Variants in NEMF observed in about 807,000 individuals in gnomAD.
The protein encoded by NEMF is nuclear export mediator factor.
NEMF carries 89 observed loss-of-function variants against 162.2 expected under a neutral mutation model. The ratio of observed to expected loss-of-function variants is 0.55; its 90% confidence interval spans 0.46 to 0.65. The LOEUF is 0.65. Among genes scored for constraint, NEMF ranks in the 30% least tolerant of loss-of-function variants. NEMF has a pLI of 0.00. For synonymous variants in NEMF, 421 were observed against 404.5 expected, an observed-to-expected ratio of 1.04 and a Z score of -0.49; for missense variants, 1,133 against 1,261.9, an observed-to-expected ratio of 0.90 and a Z score of 1.55.
At chr14:49,835,194 C>G (rs983178342) in intron 6 of NEMF, among the ~76,000 whole-genome samples, 31 of 146,378 alleles carry the variant, frequency 2.1e-4, no homozygotes, top group African/African-American at 6.6e-4. Flanking sequence ...GAGTGAAACT[C>G]CGTCCCCCGC....
In NEMF at chr14:49,828,185, A is replaced by G. The variant is rs191377352; in HGVS notation, c.1488+106T>C. ...TATTTAAAGCAAAGTTAAGTTTGAAAGATACTTCTGAATTAGAAAACCTCA... is the reference window on the plus strand; with the variant it reads ...TATTTAAAGCAAAGTTAAGTTTGAAGGATACTTCTGAATTAGAAAACCTCA... On this transcript the variant is annotated intron_variant, in intron 15 of 32. Transcript: ENST00000298310. 2,133 of 844,448 alleles carry G rather than the reference A, an allele frequency of 2.5e-3. 6 individuals carry two copies. Among genetic ancestry groups the G allele is most frequent in the Non-Finnish European group, 3.2e-3 (1,618 of 500,156 alleles). The allele number at this position is 844,448 out of a possible 1,614,324, so 52.3% of individuals were successfully genotyped here. A position where few individuals can be genotyped will look rare whatever the true frequency, so the allele number is the denominator to read the frequency against.
At chr14:49,799,117 G>A (rs1890827755) in intron 25 of NEMF, among the ~76,000 whole-genome samples, 1 of 144,810 alleles carries the variant, frequency 6.9e-6, no homozygotes. Context: ...GCTGAAGCAG[G>A]AGACTGCCTG....
At position 49,840,870 on chromosome 14, in the gene NEMF, C is replaced by T. The variant is rs757297285; in HGVS notation, c.358-4G>A. 6.9e-6 allele frequency: 11 copies of T among 1,605,198 alleles called. No homozygotes were observed. The highest frequency in any genetic ancestry group is 9.3e-6 in the Non-Finnish European group (11 of 1,177,096). The stretch of plus-strand genomic sequence containing the variant: ...AATCTGTAAGAACAATGTTCCCCTG[C>T]AATAAAATAAAATACAATTTAGCGC... On this transcript the variant is annotated splice_region_variant and splice_polypyrimidine_tract_variant and intron_variant, in intron 4 of 32. Coordinates refer to ENST00000298310, the MANE Select transcript of NEMF (RefSeq NM_004713.6).
At chr14:49,804,803 G>A (rs1374984338) in intron 19 of NEMF, among the ~76,000 whole-genome samples, 2 of 152,090 alleles carry the variant, frequency 1.3e-5, no homozygotes, top group East Asian at 3.9e-4. Context: ...GGCGGAAGCA[G>A]GAGGATCACT....
In NEMF at chr14:49,851,802, C is replaced by A; in HGVS notation, c.128+5G>T. 1 of 1,534,796 alleles carries A rather than the reference C, an allele frequency of 6.5e-7. No individual in the cohort carries two copies. The highest frequency in any genetic ancestry group is 1.2e-5 in the South Asian group (1 of 86,106). On this transcript the variant is annotated splice_donor_5th_base_variant and intron_variant, in intron 2 of 32. Transcript: ENST00000298310. Reference sequence around the variant, plus strand: ...AGAGAAAATAAGCCTATAAAATGTTCTTACTTTTGAAGACGAATAAGGTAT... The same window carrying A: ...AGAGAAAATAAGCCTATAAAATGTTATTACTTTTGAAGACGAATAAGGTAT...
chr14:49,782,514 A>C lies in NEMF; in HGVS notation c.*2122T>G, dbSNP rs1447222789. 2 of 1,600,482 alleles carry C rather than the reference A, an allele frequency of 1.2e-6. No homozygotes were observed. The highest frequency in any genetic ancestry group is 1.7e-6 in the Non-Finnish European group (2 of 1,170,660). ...ACTTACTTGCAAAGCATTTGCTTTT[A>C]AATGTGTTCTTCCTATTTATTTTTC... On this transcript the variant is annotated 3_prime_UTR_variant, in exon 33 of 33. Coordinates refer to ENST00000298310, the MANE Select transcript of NEMF (RefSeq NM_004713.6).
intron 10 of NEMF, 103 bp from the exon 11 acceptor site, chr14:49,831,464 G>A: frequency 1.4e-6 from 1 of 727,788 alleles, no homozygotes; most frequent in Admixed American, 2.2e-5. Context: ...TTGAGACAGA[G>A]TCTCACTCTG....
At chr14:49,852,023 G>A (rs553050856) in intron 1 of NEMF, 148 bp from the exon 2 acceptor site, 2 of 569,974 alleles carry the variant, frequency 3.5e-6, no homozygotes, top group East Asian at 2.9e-5. Context: ...GCCATTTGGA[G>A]ATTCAGTTCA....
chr14:49,843,728 T>C (rs1893329552), intron 4 of NEMF, among the ~76,000 whole-genome samples: 1 of 152,220 alleles, frequency 6.6e-6, no homozygotes, highest in African/African-American at 2.4e-5. Context: ...TGTAGTCAAC[T>C]GTAATACAAT....
intron 16 of NEMF, among the ~76,000 whole-genome samples, chr14:49,822,076 C>G (rs1279465298): frequency 6.6e-6 from 1 of 151,876 alleles, no homozygotes; most frequent in Non-Finnish European, 1.5e-5. Flanking sequence ...AAGGGCGGTG[C>G]AAGATGTGCT....
intron 16 of NEMF, among the ~76,000 whole-genome samples, chr14:49,822,287 A>T (rs185237823): frequency 5.8e-4 from 82 of 142,162 alleles, no homozygotes; most frequent in East Asian, 1.2e-3. Flanking sequence ...AATGATCAAT[A>T]AAAAAAAATA....
In NEMF at chr14:49,840,789, A is replaced by G. The variant is rs757719166; in HGVS notation, c.435T>C (p.Val145=). The change falls in exon 5 of 33, where the codon GTT becomes GTC. Residue 145 remains valine, a synonymous_variant. Coordinates refer to ENST00000298310, the MANE Select transcript of NEMF (RefSeq NM_004713.6). The part of the protein sequence containing the change: ...LRFRTDEADD[V]KFAVRERYPL... ...GATAGCGTTCACGAACAGCAAATTTAACATCATCTGCCTCATCAGTTCGAA... is the reference window on the plus strand; with the variant it reads ...GATAGCGTTCACGAACAGCAAATTTGACATCATCTGCCTCATCAGTTCGAA... 1 of 1,614,020 alleles carries G rather than the reference A, an allele frequency of 6.2e-7. No homozygotes were observed. The highest frequency in any genetic ancestry group is 1.7e-5 in the Admixed American group (1 of 60,004).
chr14:49,826,115 T>C (rs1892329989), intron 15 of NEMF, among the ~76,000 whole-genome samples, 160 bp from the exon 16 acceptor site: 1 of 151,952 alleles, frequency 6.6e-6, no homozygotes, highest in Non-Finnish European at 1.5e-5. Flanking sequence ...TACTTGAAAG[T>C]AATGAAGAAA....
chr14:49,812,102 C>G (rs2139896440), intron 18 of NEMF, among the ~76,000 whole-genome samples: 1 of 152,212 alleles, frequency 6.6e-6, no homozygotes, highest in African/African-American at 2.4e-5. Context: ...TCTGTACTTA[C>G]AGGTTTATTT....
intron 16 of NEMF, chr14:49,820,592 A>T (rs1891957518): frequency 2.3e-6 from 1 of 432,556 alleles, no homozygotes; most frequent in Non-Finnish European, 4.6e-6. Flanking sequence ...AATATGGTGA[A>T]ATCCATCTCT....
At chr14:49,827,906 G>C (rs1178588719) in intron 15 of NEMF, among the ~76,000 whole-genome samples, 1 of 152,146 alleles carries the variant, frequency 6.6e-6, no homozygotes, top group African/African-American at 2.4e-5. Flanking sequence ...GAGGCTACTT[G>C]TCATAGTCCA....
chr14:49,838,054 T>C (rs1892994696), intron 6 of NEMF, 85 bp downstream of exon 6: 1 of 1,089,310 alleles, frequency 9.2e-7, no homozygotes, highest in South Asian at 1.6e-5. Context: ...TCAAATTTTC[T>C]AATAAAACCA....
intron 4 of NEMF, among the ~76,000 whole-genome samples, chr14:49,841,341 G>A (rs867168116): frequency 2.6e-5 from 4 of 151,878 alleles, no homozygotes; most frequent in Non-Finnish European, 5.9e-5. Context: ...CTGAGAGGCC[G>A]AGGAAGGAGG....
intron 16 of NEMF, 113 bp downstream of exon 16, chr14:49,825,754 A>G (rs1353034066): frequency 3.0e-6 from 2 of 670,246 alleles, no homozygotes; most frequent in Non-Finnish European, 5.0e-6. Flanking sequence ...AAAAAATTGC[A>G]GAGCTACTGG....
Sources: gnomAD v4.1 joint callset for allele counts (sites outside exome capture counted in the v4.1 genomes callset) on GRCh38, gnomAD v4.1.1 for gene constraint, MANE v1.5 for transcripts, NCBI Gene and HGNC (gene_info 2026-07-23, HGNC 2026-07-21) for gene names.